The following MXI1 variants were observed in gnomAD, a reference collection of about 807,000 sequenced individuals.
The protein encoded by MXI1 is max-interacting protein 1.
In MXI1, 18 loss-of-function variants were observed where a neutral mutation model predicts 36.9. That is an observed-to-expected ratio of 0.49 (90% CI 0.34 to 0.72). The LOEUF is 0.72. Among genes scored for constraint, MXI1 ranks in the 30% least tolerant of loss-of-function variants. The probability of loss-of-function intolerance (pLI) is 0.01; values close to 1 mark genes in which losing one functional copy is unlikely to be tolerated. For missense variants in MXI1, 304 were observed against 379.1 expected, an observed-to-expected ratio of 0.80 and a Z score of 1.64; for synonymous variants, 160 against 146.7, an observed-to-expected ratio of 1.09 and a Z score of -0.65.
At chr10:110,232,845 A>G (rs935484273) in intron 2 of MXI1, among the ~76,000 whole-genome samples, 9 of 152,236 alleles carry the variant, frequency 5.9e-5, no homozygotes, top group African/African-American at 2.2e-4. Flanking sequence ...GTAGTATTTA[A>G]AGAATAAAAA....
At chr10:110,227,871 A>G (rs939275881) in intron 1 of MXI1, 10 of 320,664 alleles carry the variant, frequency 3.1e-5, no homozygotes, top group African/African-American at 1.9e-4. Context: ...AGCGAAGTCA[A>G]TGAGGTGAAT....
intron 2 of MXI1, among the ~76,000 whole-genome samples, chr10:110,242,638 G>T (rs1327682263): frequency 1.3e-5 from 2 of 151,970 alleles, no homozygotes; most frequent in Non-Finnish European, 1.5e-5. Flanking sequence ...ATAAAGAAAT[G>T]TCTGTTTGGC....
At chr10:110,235,706 T>A (rs960682482) in intron 2 of MXI1, among the ~76,000 whole-genome samples, 199 of 148,300 alleles carry the variant, frequency 1.3e-3, no homozygotes, top group Non-Finnish European at 1.7e-3. Flanking sequence ...AATAAATAAA[T>A]AAATAAATAA....
chr10:110,264,724 G>A (rs538931152), intron 3 of MXI1, among the ~76,000 whole-genome samples: 1 of 152,184 alleles, frequency 6.6e-6, no homozygotes, highest in South Asian at 2.1e-4. Flanking sequence ...GATTTCTTAT[G>A]TAGATTAATT....
rs1857442433 is a variant in MXI1, at chr10:110,287,247, G to T, written c.*2260G>T. 1 of 152,182 alleles carries T rather than the reference G, an allele frequency of 6.6e-6. No homozygotes were observed. Among genetic ancestry groups the T allele is most frequent in the African/African-American group, 2.4e-5 (1 of 41,424 alleles). 9.4% of individuals were successfully genotyped at this position (152,182 alleles called of 1,614,324 possible). ...TGCCCCCTAAATTACCCTTCCCTGGGTTTGTTTTCCTTGGGGTGGTGTAGA... is the reference window on the plus strand; with the variant it reads ...TGCCCCCTAAATTACCCTTCCCTGGTTTTGTTTTCCTTGGGGTGGTGTAGA... On this transcript the variant is annotated 3_prime_UTR_variant, in exon 6 of 6. Transcript: ENST00000332674.
intron 3 of MXI1, among the ~76,000 whole-genome samples, chr10:110,273,910 G>A (rs1202658291): frequency 6.6e-6 from 1 of 152,118 alleles, no homozygotes; most frequent in Non-Finnish European, 1.5e-5. Flanking sequence ...TGTTGGACAG[G>A]GGTATTAGAG....
At chr10:110,284,800 T>TCTC (rs960513989) in intron 5 of MXI1, 24 bp from the exon 6 acceptor site, 1 of 1,573,792 alleles carries the variant, frequency 6.4e-7, no homozygotes, top group Non-Finnish European at 8.6e-7. Flanking sequence ...TTAATGTTCT[T>TCTC]CTTTTTTTTT....
At chr10:110,217,387 G>C (rs183932626) in intron 1 of MXI1, among the ~76,000 whole-genome samples, 1 of 152,162 alleles carries the variant, frequency 6.6e-6, no homozygotes, top group Non-Finnish European at 1.5e-5. Flanking sequence ...AAGGTGATTT[G>C]GGAGTAGGAA....
intron 2 of MXI1, among the ~76,000 whole-genome samples, chr10:110,237,097 C>T (rs778307010): frequency 3.3e-5 from 5 of 152,128 alleles, no homozygotes; most frequent in Non-Finnish European, 5.9e-5. Context: ...CTTAATTGTT[C>T]TAATAGTCTG....
At chr10:110,240,279 G>T (rs993863461) in intron 2 of MXI1, among the ~76,000 whole-genome samples, 22 of 152,094 alleles carry the variant, frequency 1.4e-4, no homozygotes, top group African/African-American at 5.3e-4. Flanking sequence ...GTATATGCCT[G>T]TAAGTGGAAA....
chr10:110,210,342 A>T lies in MXI1; in HGVS notation c.274+2260A>T, dbSNP rs2134320486. On this transcript the variant is annotated intron_variant, in intron 1 of 5. Transcript: ENST00000332674. The stretch of plus-strand genomic sequence containing the variant: ...TGCGTAATAAGTCCCTCGGCCCCGC[A>T]GCCCCCCTCCTCCGGCCGGCTCCCG... The T allele has an allele frequency of 7.3e-6, 7 of 958,498 alleles. No homozygotes were observed. The South Asian group carries it at 2.4e-4, about 33-fold the overall frequency. The allele number at this position is 958,498 out of a possible 1,614,324, so 59.4% of individuals were successfully genotyped here.
rs1310002307 is a variant in MXI1, at chr10:110,215,031, G to GTTTTTTTTTTTTTTTTTT, written c.274+6960_274+6961insTTTTTTTTTTTTTTTTTT. Among the ~76,000 whole-genome samples the GTTTTTTTTTTTTTTTTTT allele has an allele frequency of 3.6e-4, 35 of 98,130 alleles. 5 individuals are homozygous for GTTTTTTTTTTTTTTTTTT. Among genetic ancestry groups the GTTTTTTTTTTTTTTTTTT allele is most frequent in the South Asian group, 1.5e-3 (4 of 2,662 alleles). 64.4% of individuals were successfully genotyped at this position (98,130 alleles called of 152,430 possible). ...CCATTTTTCTTTCTGCTCCACTTCA[G>GTTTTTTTTTTTTTTTTTT]TTTTTTTTTTTGTTTTTTTTTTTTT... On this transcript the variant is annotated intron_variant, in intron 1 of 5. Coordinates refer to ENST00000332674, the MANE Select transcript of MXI1 (RefSeq NM_130439.3).
At chr10:110,211,335 G>T (rs2134322097) in intron 1 of MXI1, among the ~76,000 whole-genome samples, 1 of 152,300 alleles carries the variant, frequency 6.6e-6, no homozygotes, top group African/African-American at 2.4e-5. Context: ...CGTTGCTGGG[G>T]CCGGAGGCTG....
chr10:110,268,635 T>G (rs1175455283), intron 3 of MXI1, among the ~76,000 whole-genome samples: 7 of 152,134 alleles, frequency 4.6e-5, no homozygotes. Flanking sequence ...TATATAACAC[T>G]GAGAAAATTT....
intron 1 of MXI1, chr10:110,210,322 A>G (rs1590318660): frequency 1.0e-6 from 1 of 982,602 alleles, no homozygotes; most frequent in East Asian, 1.2e-4. Flanking sequence ...TCATGTGCGT[A>G]ATAAGTCCCT....
intron 3 of MXI1, among the ~76,000 whole-genome samples, chr10:110,249,677 G>T (rs918646601): frequency 1.3e-5 from 2 of 151,710 alleles, no homozygotes; most frequent in African/African-American, 2.4e-5. Flanking sequence ...TTTTGAAAAA[G>T]AAATGGAAGA....
Position 110,244,855 on chromosome 10 carries a change from T to G in MXI1, c.435T>G (p.Asn145Lys). Residue 145 changes from asparagine (N) to lysine (K), a missense_variant and splice_region_variant, in exon 3 of 6, where the codon AAT (asparagine) becomes AAG (lysine). Physicochemically the swap from Asn to Lys is moderately conservative, Grantham distance 94. This residue lies in a region of MXI1 where 125 missense variants were observed against 194.3 expected (regional missense o/e 0.64). Transcript: ENST00000332674. ...NRSTHNELEK[N>K]RRAHLRLCLE... Reference sequence around the variant, plus strand: ...CTACACACAATGAGCTGGAAAAGAATCGGTGAGTCAGTGATGAGGTACAGC... The same window carrying G: ...CTACACACAATGAGCTGGAAAAGAAGCGGTGAGTCAGTGATGAGGTACAGC... 6.2e-7 allele frequency: 1 copy of G among 1,605,002 alleles called. No homozygotes were observed. Among genetic ancestry groups the G allele is most frequent in the Non-Finnish European group, 8.5e-7 (1 of 1,176,174 alleles).
Position 110,228,996 on chromosome 10 carries a change from G to A in MXI1, c.407+675G>A, listed in dbSNP as rs534049587. ...GCACTTTGGGAGGCTGAGGTGGGAG[G>A]ATTGCTTGAGCTTAGGAGTTCAAGA... is the stretch of plus-strand genomic sequence containing the variant. On this transcript the variant is annotated intron_variant, in intron 2 of 5. Transcript: ENST00000332674. 1.3e-5 allele frequency among the ~76,000 whole-genome samples: 2 copies of A among 152,332 alleles called. 1 individual carries two copies. The highest frequency in any genetic ancestry group is 4.1e-4 in the South Asian group (2 of 4,830).
At chr10:110,216,645 CTCCCCTATCTGTG>C (rs1854642223) in intron 1 of MXI1, among the ~76,000 whole-genome samples, 1 of 126,872 alleles carries the variant, frequency 7.9e-6, no homozygotes, top group African/African-American at 3.4e-5. Context: ...CCCTCCCTGT[CTCCCCTATCTGTG>C]TTTAATGTTT....
Sources: allele counts gnomAD v4.1 joint callset (sites outside exome capture counted in the v4.1 genomes callset), GRCh38; gene constraint gnomAD v4.1.1; regional missense constraint gnomAD v4.1.1; transcripts MANE v1.5; gene names NCBI Gene and HGNC (gene_info 2026-07-23, HGNC 2026-07-21).